The following RBFOX1 variants were observed in gnomAD, a reference collection of about 807,000 sequenced individuals.
RBFOX1 encodes RNA binding protein fox-1 homolog 1.
A neutral mutation model predicts 57.7 loss-of-function variants in RBFOX1; 8 were observed. The ratio of observed to expected loss-of-function variants is 0.14; its 90% CI spans 0.08 to 0.25. The LOEUF is 0.25. RBFOX1 is among the 10% of genes least tolerant of loss of function. RBFOX1 has a pLI of 1.00. For synonymous variants in RBFOX1, 326 were observed against 222.4 expected (o/e 1.47, Z -4.15); for missense variants, 611 against 548.5 (o/e 1.11, Z -1.14).
chr16:6,947,096 G>C (rs1184262337), intron 3 of RBFOX1, among the ~76,000 whole-genome samples: 1 of 152,102 alleles, frequency 6.6e-6, no homozygotes, highest in Non-Finnish European at 1.5e-5. Flanking sequence ...TAGTTAAGAG[G>C]ATTTAATGGG....
chr16:6,170,179 T>C (rs1384131678), intron 1 of RBFOX1, among the ~76,000 whole-genome samples: 1 of 152,168 alleles, frequency 6.6e-6, no homozygotes, highest in Non-Finnish European at 1.5e-5. Context: ...GGCTATGGCA[T>C]GAGGAAGGGT....
intron 2 of RBFOX1, among the ~76,000 whole-genome samples, chr16:6,393,326 A>G (rs1000086114): frequency 1.3e-5 from 2 of 152,190 alleles, no homozygotes; most frequent in Non-Finnish European, 2.9e-5. Flanking sequence ...TCCCTTTCCC[A>G]TATGCTAGAT....
intron 2 of RBFOX1, among the ~76,000 whole-genome samples, chr16:6,575,019 C>T (rs1342840680): frequency 7.3e-6 from 1 of 136,482 alleles, no homozygotes; most frequent in South Asian, 2.5e-4. Flanking sequence ...GCTTGGGGGA[C>T]AGAGCGAGAC....
At chr16:5,687,626 G>A (rs1424572664) in intron 3 of RBFOX1, among the ~76,000 whole-genome samples, 4 of 152,138 alleles carry the variant, frequency 2.6e-5, no homozygotes, top group African/African-American at 4.8e-5. Context: ...TCATTGTAGC[G>A]TCACCATGAA....
intron 2 of RBFOX1, among the ~76,000 whole-genome samples, chr16:6,389,621 T>G (rs534106959): frequency 6.6e-6 from 1 of 152,234 alleles, no homozygotes; most frequent in African/African-American, 2.4e-5. Flanking sequence ...GGTGTGAGGG[T>G]GGTGTACTAA....
intron 4 of RBFOX1, among the ~76,000 whole-genome samples, chr16:7,113,635 C>G (rs2065253579): frequency 6.6e-6 from 1 of 152,208 alleles, no homozygotes; most frequent in Admixed American, 6.5e-5. Context: ...TACACAGTGT[C>G]TTCTGACTCA....
intron 3 of RBFOX1, among the ~76,000 whole-genome samples, chr16:6,851,797 C>T (rs890124762): frequency 4.6e-5 from 7 of 152,186 alleles, no homozygotes; most frequent in South Asian, 2.1e-4. Context: ...CCCTTAACTC[C>T]TTCCTCTGGG....
At position 6,649,520 on chromosome 16, in the gene RBFOX1, G is replaced by A. The variant is rs140504993; in HGVS notation, c.-63-5083G>A. ...AATCTTTTATCCCTCACCACTCCCC[G>A]ACACTTTCCCCTGAGTCCGCAAAGT... On this transcript the variant is annotated intron_variant, in intron 2 of 15. Coordinates refer to ENST00000550418, the MANE Select transcript of RBFOX1 (RefSeq NM_018723.4). 2.6e-5 allele frequency among the ~76,000 whole-genome samples: 4 copies of A among 152,206 alleles called. No individual in the cohort carries two copies. The East Asian group carries it at 5.8e-4, about 22-fold the overall frequency.
chr16:6,239,852 G>A (rs2097531000), intron 1 of RBFOX1, among the ~76,000 whole-genome samples: 1 of 152,028 alleles, frequency 6.6e-6, no homozygotes, highest in South Asian at 2.1e-4. Context: ...AGACTTTATT[G>A]ACATCATAAA....
chr16:7,529,882 AC>A (rs1304996676), intron 5 of RBFOX1, among the ~76,000 whole-genome samples: 16 of 151,846 alleles, frequency 1.1e-4, no homozygotes, highest in South Asian at 6.2e-4. Context: ...GGTGGCGGGC[AC>A]CTGTAATCCC....
chr16:6,478,429 A>ATATATATATTTTTTTT (rs1159954387), intron 2 of RBFOX1, among the ~76,000 whole-genome samples: 1 of 24,614 alleles, frequency 4.1e-5, no homozygotes, highest in Non-Finnish European at 7.8e-5. Context: ...ATATATATAT[A>ATATATATATTTTTTTT]TTTTTTTTTT....
intron 3 of RBFOX1, among the ~76,000 whole-genome samples, chr16:6,699,764 T>C (rs549619840): frequency 6.6e-6 from 1 of 152,090 alleles, no homozygotes; most frequent in Non-Finnish European, 1.5e-5. Flanking sequence ...CAAGGTGGGA[T>C]AATGAGGCAT....
intron 2 of RBFOX1, among the ~76,000 whole-genome samples, chr16:6,473,392 A>G (rs1366209340): frequency 6.6e-6 from 1 of 152,118 alleles, no homozygotes; most frequent in Non-Finnish European, 1.5e-5. Context: ...CAACCCTAGC[A>G]TCTTATCGAA....
intron 1 of RBFOX1, among the ~76,000 whole-genome samples, chr16:5,418,793 C>T (rs945221837): frequency 6.6e-6 from 1 of 152,116 alleles, no homozygotes; most frequent in Admixed American, 6.5e-5. Flanking sequence ...TATGGAGAAC[C>T]TACAATAGTG....
chr16:5,737,933 T>G (rs1200697953), intron 3 of RBFOX1, among the ~76,000 whole-genome samples: 1 of 152,206 alleles, frequency 6.6e-6, no homozygotes, highest in South Asian at 2.1e-4. Flanking sequence ...GGTACACATG[T>G]GCCACAGTGG....
At chr16:7,315,849 C>T (rs781756017) in intron 4 of RBFOX1, among the ~76,000 whole-genome samples, 2 of 152,150 alleles carry the variant, frequency 1.3e-5, no homozygotes, top group Non-Finnish European at 2.9e-5. Context: ...TGGCACAAGA[C>T]AGCAGTCAAC....
intron 3 of RBFOX1, among the ~76,000 whole-genome samples, chr16:6,685,991 C>G (rs921222074): frequency 3.3e-5 from 5 of 152,092 alleles, no homozygotes; most frequent in South Asian, 2.1e-4. Context: ...TTCTGTCTAG[C>G]TTTTGCAAGA....
At chr16:5,406,867 G>A (rs1479686645) in intron 1 of RBFOX1, among the ~76,000 whole-genome samples, 1 of 152,214 alleles carries the variant, frequency 6.6e-6, no homozygotes, top group Non-Finnish European at 1.5e-5. Context: ...AGCGTGAAGA[G>A]TGCTGTGCAG....
intron 1 of RBFOX1, among the ~76,000 whole-genome samples, chr16:6,206,247 G>C (rs934058735): frequency 6.6e-6 from 1 of 151,926 alleles, no homozygotes; most frequent in Non-Finnish European, 1.5e-5. Context: ...GCTCTTTCCC[G>C]CTGCCAGGAC....
Sources: gnomAD v4.1 joint callset for allele counts (sites outside exome capture counted in the v4.1 genomes callset) on GRCh38, gnomAD v4.1.1 for gene constraint, MANE v1.5 for transcripts, NCBI Gene and HGNC (gene_info 2026-07-23, HGNC 2026-07-21) for gene names.